AFF3: variants seen among roughly 807,000 people sequenced by gnomAD.
The protein encoded by AFF3 is AF4/FMR2 family member 3.
In AFF3, 32 loss-of-function variants were observed where a neutral mutation model predicts 129.7. The observed-to-expected ratio is 0.25, with a 90% CI of 0.19 to 0.33. The LOEUF is 0.33. Ranked by LOEUF, AFF3 falls within the 10% of genes least tolerant of loss-of-function variation. AFF3 has a pLI of 1.00. For synonymous variants in AFF3, 644 were observed against 635.4 expected, an observed-to-expected ratio of 1.01 and a Z score of -0.20; for missense variants, 1,373 against 1,592.0, an observed-to-expected ratio of 0.86 and a Z score of 2.34.
At chr2:99,685,536 C>G (rs1249193542) in intron 11 of AFF3, among the ~76,000 whole-genome samples, 4 of 152,162 alleles carry the variant, frequency 2.6e-5, no homozygotes, top group South Asian at 4.1e-4. Context: ...AAAGGTTCAG[C>G]ATTTCGTCAT....
intron 4 of AFF3, among the ~76,000 whole-genome samples, chr2:100,101,263 T>A (rs2118281): frequency 0.2 from 29,692 of 152,070 alleles, 3,002 homozygotes; most frequent in East Asian, 0.28. Context: ...TTTTCCCTTT[T>A]TATTTTCTAT....
chr2:99,555,520 G>A (rs1674826072), intron 22 of AFF3, among the ~76,000 whole-genome samples: 1 of 152,222 alleles, frequency 6.6e-6, no homozygotes, highest in African/African-American at 2.4e-5. Context: ...GGTTTAGGAA[G>A]TTCTGTTGCA....
At chr2:99,942,547 C>CGG (rs56988005) in intron 7 of AFF3, among the ~76,000 whole-genome samples, 39 of 59,324 alleles carry the variant, frequency 6.6e-4, no homozygotes, top group Middle Eastern at 0.013. Context: ...GGGGGAGGGG[C>CGG]GGGGGGGGGG....
chr2:99,918,700 A>T (rs1462903285), intron 7 of AFF3, among the ~76,000 whole-genome samples: 1 of 152,220 alleles, frequency 6.6e-6, no homozygotes, highest in Non-Finnish European at 1.5e-5. Flanking sequence ...AGTGGTAATT[A>T]AGTGAAGTAT....
At chr2:99,663,936 A>G (rs1686458243) in intron 12 of AFF3, among the ~76,000 whole-genome samples, 1 of 152,108 alleles carries the variant, frequency 6.6e-6, no homozygotes, top group Non-Finnish European at 1.5e-5. Context: ...CCATCTACTT[A>G]TTTGCTTGTG....
intron 7 of AFF3, among the ~76,000 whole-genome samples, chr2:99,879,450 A>G (rs1034836976): frequency 2.0e-5 from 3 of 152,218 alleles, no homozygotes; most frequent in African/African-American, 7.2e-5. Context: ...GAAGCACTAC[A>G]TTAAAAACTA....
chr2:99,668,327 A>G (rs1003873116), intron 12 of AFF3, among the ~76,000 whole-genome samples: 5 of 151,806 alleles, frequency 3.3e-5, no homozygotes, highest in Non-Finnish European at 7.4e-5. Context: ...GCACACCACT[A>G]TGCCCAACTA....
intron 7 of AFF3, among the ~76,000 whole-genome samples, chr2:100,003,557 G>GA (rs963166190): frequency 6.6e-6 from 1 of 152,170 alleles, no homozygotes; most frequent in Admixed American, 6.6e-5. Context: ...AACTGAGTCG[G>GA]AAAAAGCCAG....
At chr2:99,583,393 CTT>C (rs1410199115) in intron 16 of AFF3, among the ~76,000 whole-genome samples, 4 of 152,174 alleles carry the variant, frequency 2.6e-5, no homozygotes, top group Admixed American at 1.3e-4. Flanking sequence ...ACATTTCTGT[CTT>C]TTTTTGAGAC....
At chr2:99,718,794 A>G (rs1384912872) in intron 11 of AFF3, among the ~76,000 whole-genome samples, 4 of 150,988 alleles carry the variant, frequency 2.6e-5, no homozygotes, top group African/African-American at 9.8e-5. Context: ...TCTGTTGGCC[A>G]GGCTGGACTG....
At chr2:99,856,322 A>T (rs999235924) in intron 7 of AFF3, among the ~76,000 whole-genome samples, 9 of 152,182 alleles carry the variant, frequency 5.9e-5, no homozygotes, top group African/African-American at 1.7e-4. Context: ...AAAATGTCCA[A>T]GATATAATCC....
chr2:99,867,478 G>A (rs750249927), intron 7 of AFF3, among the ~76,000 whole-genome samples: 8 of 150,776 alleles, frequency 5.3e-5, no homozygotes, highest in Non-Finnish European at 7.4e-5. Context: ...GGGAAACTAA[G>A]TGACCAGGAA....
At chr2:99,659,984 T>G (rs1686085690) in intron 12 of AFF3, among the ~76,000 whole-genome samples, 1 of 152,160 alleles carries the variant, frequency 6.6e-6, no homozygotes, top group Non-Finnish European at 1.5e-5. Flanking sequence ...CAGGGCAATT[T>G]CAATGCAGGC....
At chr2:99,589,821 G>A (rs1653442926) in intron 15 of AFF3, among the ~76,000 whole-genome samples, 1 of 152,124 alleles carries the variant, frequency 6.6e-6, no homozygotes, top group South Asian at 2.1e-4. Context: ...AAATGAAAAC[G>A]CTGGGCCCTT....
intron 8 of AFF3, among the ~76,000 whole-genome samples, chr2:99,792,921 A>C (rs544207926): frequency 3.0e-4 from 46 of 152,192 alleles, no homozygotes; most frequent in African/African-American, 1.1e-3. Context: ...TTTCCTCCTC[A>C]TTTGTTTTCT....
chr2:100,114,452 G>A (rs531313039), intron 2 of AFF3, among the ~76,000 whole-genome samples: 21 of 152,130 alleles, frequency 1.4e-4, no homozygotes, highest in Non-Finnish European at 2.8e-4. Flanking sequence ...TGTGATCTCA[G>A]CTCACTGCAA....
intron 7 of AFF3, among the ~76,000 whole-genome samples, chr2:99,947,645 T>C (rs796958796): frequency 0.2 from 26,639 of 134,006 alleles, 3,231 homozygotes; most frequent in African/African-American, 0.35. Flanking sequence ...GATAGATAGA[T>C]AGATAGATAG....
intron 17 of AFF3, among the ~76,000 whole-genome samples, chr2:99,579,806 G>A (rs953911081): frequency 6.6e-6 from 1 of 152,160 alleles, no homozygotes; most frequent in African/African-American, 2.4e-5. Flanking sequence ...CACATTACTT[G>A]GGATACAGAC....
intron 17 of AFF3, among the ~76,000 whole-genome samples, chr2:99,580,170 C>T (rs1559500050): frequency 6.6e-6 from 1 of 152,200 alleles, no homozygotes; most frequent in Non-Finnish European, 1.5e-5. Flanking sequence ...TCTGCACTTG[C>T]TGCTTCCTCT....
Sources: gnomAD v4.1 joint callset for allele counts (sites outside exome capture counted in the v4.1 genomes callset) on GRCh38, gnomAD v4.1.1 for gene constraint, MANE v1.5 for transcripts, NCBI Gene and HGNC (gene_info 2026-07-23, HGNC 2026-07-21) for gene names.